MCOLN3: variants seen among roughly 807,000 people sequenced by gnomAD.
MCOLN3 encodes mucolipin-3.
Under a neutral mutation model 69.4 loss-of-function variants are expected in MCOLN3, and 62 were observed. The observed-to-expected ratio is 0.89, with a 90% CI of 0.73 to 1.10. The LOEUF is 1.10. MCOLN3 is among the 50% of genes least tolerant of loss of function. The pLI is 0.00. For synonymous variants in MCOLN3, 183 were observed against 217.0 expected (o/e 0.84, Z 1.38); for missense variants, 564 against 656.4 (o/e 0.86, Z 1.54).
rs532169911 is a variant in MCOLN3 at position 85,019,101 on chromosome 1, A to G, written c.*22T>C. On this transcript the variant is annotated 3_prime_UTR_variant, in exon 13 of 13. Transcript: ENST00000370589. Reference sequence around the variant, plus strand: ...TCAGCTACACATTATATTTTCCTCTAAAGTACAGATAAACCTGATAGCTAC... The same window carrying G: ...TCAGCTACACATTATATTTTCCTCTGAAGTACAGATAAACCTGATAGCTAC... The G allele has an allele frequency of 1.1e-5, 18 of 1,608,848 alleles. No homozygotes were observed. Among genetic ancestry groups the G allele is most frequent in the East Asian group, 2.2e-5 (1 of 44,814 alleles).
intron 4 of MCOLN3, among the ~76,000 whole-genome samples, chr1:85,033,830 C>T (rs973627140): frequency 1.3e-5 from 2 of 152,176 alleles, no homozygotes; most frequent in East Asian, 3.8e-4. Flanking sequence ...CTAGCTCCAT[C>T]TTTGGCAGAT....
Position 85,019,220 on chromosome 1 carries a change from C to T in MCOLN3, c.1565G>A (p.Arg522His), listed in dbSNP as rs370749569. The change falls in exon 13 of 13, where the codon CGT becomes CAT. Residue 522 changes from arginine (R) to histidine (H), a missense_variant. Physicochemically the swap from Arg to His is conservative, Grantham distance 29 (BLOSUM62 0). Transcript: ENST00000370589. ...ATCTTTGCATTCTGATATAAATGTACGAAGTTCAGTCTCTGGGAAGCCATC... is the reference window on the plus strand; with the variant it reads ...ATCTTTGCATTCTGATATAAATGTATGAAGTTCAGTCTCTGGGAAGCCATC... The part of the protein sequence containing the change: ...QQDGFPETEL[R>H]TFISECKDLP... 2.1e-4 allele frequency: 338 copies of T among 1,612,874 alleles called. No homozygotes were observed. The highest frequency in any genetic ancestry group is 5.4e-4 in the African/African-American group (40 of 74,720).
chr1:85,025,927 G>C lies in MCOLN3; in HGVS notation c.1095+12C>G. The C allele has an allele frequency of 6.3e-7, 1 of 1,585,592 alleles. No individual in the cohort carries two copies. The highest frequency in any genetic ancestry group is 1.2e-5 in the South Asian group (1 of 86,356). On this transcript the variant is annotated intron_variant, in intron 9 of 12. Transcript: ENST00000370589. ...CTGACACTAACAATAGCATGATTAG[G>C]AAAAAAATTACCTTAGCTTGGATTT...
chr1:85,032,690 A>G lies in MCOLN3; in HGVS notation c.732+6T>C, dbSNP rs1211502275. 6.2e-7 allele frequency: 1 copy of G among 1,602,480 alleles called. No homozygotes were observed. Among genetic ancestry groups the G allele is most frequent in the Non-Finnish European group, 8.5e-7 (1 of 1,169,842 alleles). On this transcript the variant is annotated splice_donor_region_variant and intron_variant, in intron 6 of 12. Transcript: ENST00000370589. ...TGGAACCAAATTCAGCCTGGCCCAC[A>G]CTTACAGTCAGAGTAAAGTCATAAC... is the stretch of plus-strand genomic sequence containing the variant.
In MCOLN3 at chr1:85,022,400, T is replaced by C. The variant is rs373686550; in HGVS notation, c.1096A>G (p.Ser366Gly). 6.4e-7 allele frequency: 1 copy of C among 1,574,312 alleles called. No individual in the cohort carries two copies. Among genetic ancestry groups the C allele is most frequent in the Non-Finnish European group, 8.7e-7 (1 of 1,153,216 alleles). ...CTACAGACATCATAACTAGTTAGAC[T>C]CTAAGAGAGAGTGGAAAAATATAAT... ...SILKMEIQAK[S>G]LTSYDVCSIL... The change falls in exon 10 of 13, where the codon AGT (serine) becomes GGT (glycine). Residue 366 changes from serine (S) to glycine (G), a missense_variant and splice_region_variant. Transcript: ENST00000370589.
chr1:85,041,542 C>T (rs1027046196), intron 2 of MCOLN3, among the ~76,000 whole-genome samples: 10 of 152,178 alleles, frequency 6.6e-5, no homozygotes, highest in African/African-American at 2.4e-4. Flanking sequence ...GCACTGTTGT[C>T]ATATTAACCT....
intron 12 of MCOLN3, among the ~76,000 whole-genome samples, chr1:85,020,296 A>G (rs1651862104): frequency 6.6e-6 from 1 of 152,174 alleles, no homozygotes; most frequent in Non-Finnish European, 1.5e-5. Context: ...ATCAGCTTCA[A>G]ACCAAGGCGT....
At chr1:85,031,504 C>T (rs573839161) in intron 6 of MCOLN3, among the ~76,000 whole-genome samples, 1 of 152,102 alleles carries the variant, frequency 6.6e-6, no homozygotes. Context: ...ACCTGTACCC[C>T]ATAAATACGT....
At position 85,045,332 on chromosome 1, in the gene MCOLN3, C is replaced by T; in HGVS notation, c.29G>A (p.Ser10Asn). The T allele has an allele frequency of 6.2e-7, 1 of 1,613,920 alleles. No individual in the cohort carries two copies. The highest frequency in any genetic ancestry group is 1.6e-4 in the Middle Eastern group (1 of 6,062). ...ATTTTCCTCTTCATGAGAGCTGCAG[C>T]TACTCACAACTACCTCAGGATCTGC... MADPEVVVS[S>N]CSSHEEENRC... Residue 10 changes from serine (S) to asparagine (N), a missense_variant, in exon 2 of 13, where the codon AGC becomes AAC. Physicochemically the swap from Ser to Asn is conservative, Grantham distance 46. Transcript: ENST00000370589.
At chr1:85,040,986 A>T in intron 3 of MCOLN3, 24 bp downstream of exon 3, 5 of 1,608,346 alleles carry the variant, frequency 3.1e-6, no homozygotes, top group Non-Finnish European at 4.2e-6. Context: ...TTTCCCAAGT[A>T]AATAATGCAC....
At chr1:85,020,217 G>A (rs754260249) in intron 12 of MCOLN3, among the ~76,000 whole-genome samples, 8 of 152,124 alleles carry the variant, frequency 5.3e-5, no homozygotes, top group Middle Eastern at 3.2e-3. Flanking sequence ...GAGGACATTC[G>A]GTCCCTGAAA....
At chr1:85,033,040 T>G (rs2102931171) in intron 4 of MCOLN3, 84 bp from the exon 5 acceptor site, 1 of 1,110,776 alleles carries the variant, frequency 9.0e-7, no homozygotes, top group Admixed American at 2.0e-5. Context: ...GACCAGTTAT[T>G]CAGATTCTAT....
rs370091078 is a variant in MCOLN3, at chr1:85,046,670, C to T, written c.-2-1308G>A. ...ACCCCACTTTTGATTCCAATTCAAG[C>T]ATTCTTAGGAAGCCCAACATCTCCG... On this transcript the variant is annotated intron_variant, in intron 1 of 12. Transcript: ENST00000370589. Among the ~76,000 whole-genome samples, 109 of 152,308 alleles carry T rather than the reference C, an allele frequency of 7.2e-4. No homozygotes were observed. In the Middle Eastern group the frequency reaches 0.01, roughly 14 times the overall value.
chr1:85,025,185 T>C (rs1652150556), intron 9 of MCOLN3: 1 of 152,128 alleles, frequency 6.6e-6, no homozygotes, highest in African/African-American at 2.4e-5. Context: ...TACTCACCAG[T>C]CTGTAAAACC....
intron 11 of MCOLN3, 61 bp downstream of exon 11, chr1:85,022,009 C>G (rs1345070068): frequency 1.3e-6 from 2 of 1,554,154 alleles, no homozygotes; most frequent in African/African-American, 1.4e-5. Context: ...AAAAGGATAA[C>G]AAGCCACTGG....
chr1:85,022,950 A>G (rs1652021831), intron 9 of MCOLN3: 1 of 152,550 alleles, frequency 6.6e-6, no homozygotes, highest in Admixed American at 6.5e-5. Context: ...ATATGATCAG[A>G]TGTTGGCTGC....
At position 85,039,765 on chromosome 1, in the gene MCOLN3, G is replaced by A. The variant is rs374425838; in HGVS notation, c.396+1245C>T. On this transcript the variant is annotated intron_variant, in intron 3 of 12. Coordinates refer to ENST00000370589, the MANE Select transcript of MCOLN3 (RefSeq NM_018298.11). ...GAGTTTGAGCAACCTGGGCAACATA[G>A]GGAGACCCTGTCTCTATAAAAAAAA... Among the ~76,000 whole-genome samples, 7 of 152,042 alleles carry A rather than the reference G, an allele frequency of 4.6e-5. No individual in the cohort carries two copies. In the East Asian group the frequency reaches 5.8e-4, roughly 13 times the overall value.
chr1:85,039,677 G>A (rs1652965006), intron 3 of MCOLN3, among the ~76,000 whole-genome samples: 1 of 152,184 alleles, frequency 6.6e-6, no homozygotes, highest in African/African-American at 2.4e-5. Flanking sequence ...TAAAGGTTAA[G>A]ATGATTTATA....
chr1:85,029,663 T>A (rs1652405434), intron 6 of MCOLN3: 1 of 152,928 alleles, frequency 6.5e-6, no homozygotes, highest in African/African-American at 2.4e-5. Flanking sequence ...CAAGTGGAGC[T>A]TTTTTGATTT....
Sources: gnomAD v4.1 joint callset for allele counts (sites outside exome capture counted in the v4.1 genomes callset) on GRCh38, gnomAD v4.1.1 for gene constraint, MANE v1.5 for transcripts, NCBI Gene and HGNC (gene_info 2026-07-23, HGNC 2026-07-21) for gene names.